TTLL11: variants seen among roughly 807,000 people sequenced by gnomAD.
TTLL11 encodes the protein tubulin polyglutamylase TTLL11.
In TTLL11, 42 loss-of-function variants were observed where a neutral mutation model predicts 51.7. That is an observed-to-expected ratio of 0.81 (90% CI 0.64 to 1.05). TTLL11 has a LOEUF of 1.05. TTLL11 is among the 50% of genes least tolerant of loss of function. TTLL11 has a pLI of 0.00. For missense variants in TTLL11, 799 were observed against 940.4 expected (o/e 0.85, Z 1.97); for synonymous variants, 381 against 383.5 (o/e 0.99, Z 0.08).
At chr9:122,008,107 C>G (rs1843703514) in intron 3 of TTLL11, among the ~76,000 whole-genome samples, 1 of 152,154 alleles carries the variant, frequency 6.6e-6, no homozygotes, top group Non-Finnish European at 1.5e-5. Flanking sequence ...TACTAAGTAG[C>G]CTGTGCTCAT....
intron 6 of TTLL11, among the ~76,000 whole-genome samples, chr9:121,953,246 T>C (rs958226480): frequency 6.6e-6 from 1 of 152,158 alleles, no homozygotes; most frequent in Non-Finnish European, 1.5e-5. Context: ...CACGTCATAA[T>C]TGAAGAAGAA....
At chr9:121,951,185 A>T (rs1564322168) in intron 6 of TTLL11, among the ~76,000 whole-genome samples, 2 of 152,254 alleles carry the variant, frequency 1.3e-5, no homozygotes, top group Non-Finnish European at 2.9e-5. Context: ...CTACAGAATT[A>T]CATGACAGCT....
chr9:121,841,563 C>T (rs1010874546), intron 8 of TTLL11, among the ~76,000 whole-genome samples: 5 of 152,164 alleles, frequency 3.3e-5, no homozygotes, highest in Non-Finnish European at 4.4e-5. Flanking sequence ...GTGGAACAGA[C>T]GAGGTGAGCT....
intron 6 of TTLL11, among the ~76,000 whole-genome samples, chr9:121,901,694 T>G (rs1447265641): frequency 6.6e-6 from 1 of 152,122 alleles, no homozygotes; most frequent in East Asian, 1.9e-4. Flanking sequence ...GATCTTTCAG[T>G]GGTCCTGGTT....
At chr9:121,948,081 A>T (rs1841733488) in intron 6 of TTLL11, among the ~76,000 whole-genome samples, 1 of 152,240 alleles carries the variant, frequency 6.6e-6, no homozygotes, top group Non-Finnish European at 1.5e-5. Context: ...ATTACATGTC[A>T]AGCCCTATTC....
At position 121,816,222 on chromosome 9, in the gene TTLL11, A is replaced by G. The variant is rs1336349187; in HGVS notation, c.*6365T>C. On this transcript the variant is annotated 3_prime_UTR_variant, in exon 9 of 9. Coordinates refer to ENST00000321582, the MANE Select transcript of TTLL11 (RefSeq NM_001139442.2). Reference sequence around the variant, plus strand: ...AGAACAGTTCACGGCCTCCTCTGGGATTCTCAGCCCTCGCTTTCCCCATTC... The same window carrying G: ...AGAACAGTTCACGGCCTCCTCTGGGGTTCTCAGCCCTCGCTTTCCCCATTC... 1 of 152,166 alleles carries G rather than the reference A, an allele frequency of 6.6e-6. No individual in the cohort carries two copies. The highest frequency in any genetic ancestry group is 2.4e-5 in the African/African-American group (1 of 41,430). 9.4% of individuals were successfully genotyped at this position (152,166 alleles called of 1,614,324 possible). A position where few individuals can be genotyped will look rare whatever the true frequency, so the allele number is the denominator to read the frequency against.
At chr9:121,897,508 A>T (rs1483775431) in intron 6 of TTLL11, among the ~76,000 whole-genome samples, 1 of 151,882 alleles carries the variant, frequency 6.6e-6, no homozygotes, top group Non-Finnish European at 1.5e-5. Context: ...AGATTGATCT[A>T]ATTTTCCCTT....
chr9:122,070,014 C>T (rs554576072), intron 1 of TTLL11, among the ~76,000 whole-genome samples: 25 of 151,772 alleles, frequency 1.6e-4, no homozygotes, highest in East Asian at 1.2e-3. Context: ...CACACACACG[C>T]GCACACACAC....
intron 3 of TTLL11, among the ~76,000 whole-genome samples, chr9:122,006,863 G>GT (rs1166992444): frequency 6.6e-6 from 1 of 150,950 alleles, no homozygotes; most frequent in Non-Finnish European, 1.5e-5. Context: ...GCACACGCCT[G>GT]TAATTCCAGC....
intron 8 of TTLL11, among the ~76,000 whole-genome samples, chr9:121,826,246 ATATGGGT>A (rs1836763278): frequency 7.7e-6 from 1 of 130,182 alleles, no homozygotes; most frequent in African/African-American, 2.9e-5. Flanking sequence ...ACGCACATAT[ATATGGGT>A]TATATATATG....
chr9:122,020,470 G>A (rs142138804), intron 3 of TTLL11, among the ~76,000 whole-genome samples: 82 of 152,366 alleles, frequency 5.4e-4, no homozygotes, highest in Middle Eastern at 6.8e-3. Context: ...TGGCACTGAA[G>A]CCAGTCTTCC....
intron 4 of TTLL11, among the ~76,000 whole-genome samples, chr9:121,985,503 A>ATTTTC (rs1322006256): frequency 2.2e-5 from 3 of 134,362 alleles, no homozygotes; most frequent in Non-Finnish European, 3.2e-5. Flanking sequence ...AAAGGATACC[A>ATTTTC]TTTTCTTTTC....
At chr9:121,860,520 G>T in intron 7 of TTLL11, 77 bp from the exon 8 acceptor site, 1 of 1,201,540 alleles carries the variant, frequency 8.3e-7, no homozygotes, top group Non-Finnish European at 1.2e-6. Context: ...TCCTGTTAGG[G>T]ACTGAATGTT....
At chr9:121,866,256 C>T (rs894907428) in intron 7 of TTLL11, among the ~76,000 whole-genome samples, 1 of 152,130 alleles carries the variant, frequency 6.6e-6, no homozygotes, top group Non-Finnish European at 1.5e-5. Flanking sequence ...AGAGAAAATG[C>T]GTGCTGTTAA....
At chr9:121,861,139 G>A (rs1837994144) in intron 7 of TTLL11, among the ~76,000 whole-genome samples, 1 of 150,262 alleles carries the variant, frequency 6.7e-6, no homozygotes. Context: ...CCAGGCTGGA[G>A]TGCAGTATTG....
At chr9:121,967,580 G>A (rs563210517) in intron 6 of TTLL11, among the ~76,000 whole-genome samples, 143 of 152,234 alleles carry the variant, frequency 9.4e-4, no homozygotes, top group Non-Finnish European at 1.8e-3. Flanking sequence ...TAAGGTCTGG[G>A]CTTTTAGCAA....
chr9:122,016,349 T>C (rs903270553), intron 3 of TTLL11, among the ~76,000 whole-genome samples: 8 of 152,226 alleles, frequency 5.3e-5, no homozygotes, highest in African/African-American at 1.9e-4. Context: ...GCAAGGGCTC[T>C]ATAAGGCGTG....
intron 2 of TTLL11, among the ~76,000 whole-genome samples, chr9:122,034,032 G>T (rs187241790): frequency 6.6e-6 from 1 of 152,184 alleles, no homozygotes. Flanking sequence ...TTTGCTTGAG[G>T]TTTACTAACA....
chr9:121,968,832 G>A (rs1162216170), intron 6 of TTLL11, among the ~76,000 whole-genome samples: 2 of 151,678 alleles, frequency 1.3e-5, no homozygotes, highest in African/African-American at 2.4e-5. Flanking sequence ...GCATTATCAA[G>A]CACTTACCAT....
Sources: gnomAD v4.1 joint callset for allele counts (sites outside exome capture counted in the v4.1 genomes callset) on GRCh38, gnomAD v4.1.1 for gene constraint, MANE v1.5 for transcripts, NCBI Gene and HGNC (gene_info 2026-07-23, HGNC 2026-07-21) for gene names.